CADPS2: variants seen among roughly 807,000 people sequenced by gnomAD.
The protein encoded by CADPS2 is calcium-dependent secretion activator 2.
CADPS2 carries 93 observed loss-of-function variants against 172.5 expected under a neutral mutation model. The observed-to-expected ratio is 0.54, with a 90% CI of 0.46 to 0.64. The LOEUF is 0.64. Among genes scored for constraint, CADPS2 ranks in the 30% least tolerant of loss-of-function variants. The probability of loss-of-function intolerance (pLI) is 0.00; values close to 1 mark genes in which losing one functional copy is unlikely to be tolerated. For missense variants in CADPS2, 1,420 were observed against 1,565.9 expected, an observed-to-expected ratio of 0.91 and a Z score of 1.57; for synonymous variants, 546 against 555.2, an observed-to-expected ratio of 0.98 and a Z score of 0.23.
chr7:122,801,868 C>T (rs1042687069), intron 1 of CADPS2, among the ~76,000 whole-genome samples: 8 of 151,474 alleles, frequency 5.3e-5, no homozygotes, highest in Non-Finnish European at 1.0e-4. Context: ...GGATTACAGG[C>T]GTGAGCCACT....
At chr7:122,475,020 G>A (rs918930205) in intron 12 of CADPS2, among the ~76,000 whole-genome samples, 3 of 152,076 alleles carry the variant, frequency 2.0e-5, no homozygotes, top group Non-Finnish European at 4.4e-5. Context: ...GGCAATGAGC[G>A]CTCTCAAGCT....
intron 3 of CADPS2, among the ~76,000 whole-genome samples, chr7:122,630,303 G>C (rs1587968758): frequency 6.6e-6 from 1 of 151,670 alleles, no homozygotes; most frequent in South Asian, 2.1e-4. Context: ...TCCTCAAAGA[G>C]AGTCCTCAAA....
At chr7:122,805,850 C>T (rs1478588548) in intron 1 of CADPS2, among the ~76,000 whole-genome samples, 3 of 152,158 alleles carry the variant, frequency 2.0e-5, no homozygotes, top group Non-Finnish European at 4.4e-5. Context: ...TTTGCTACAG[C>T]CCTGTGAATG....
intron 25 of CADPS2, among the ~76,000 whole-genome samples, chr7:122,365,141 T>C (rs1033427402): frequency 2.6e-5 from 4 of 152,262 alleles, no homozygotes; most frequent in South Asian, 2.1e-4. Flanking sequence ...CGAAGCAGCA[T>C]TGGCTTATAT....
chr7:122,400,309 T>G lies in CADPS2; in HGVS notation c.2747-6727A>C, dbSNP rs151045282. On this transcript the variant is annotated intron_variant, in intron 20 of 29. Transcript: ENST00000449022. ...AAAATTAGCTGGGTGTGGTGGTGCATGCCTGTAATCCCAGCTACTTGGGAG... is the reference window on the plus strand; with the variant it reads ...AAAATTAGCTGGGTGTGGTGGTGCAGGCCTGTAATCCCAGCTACTTGGGAG... Among the ~76,000 whole-genome samples, 134 of 151,778 alleles carry G rather than the reference T, an allele frequency of 8.8e-4. 3 individuals carry two copies. In the East Asian group the frequency reaches 0.026, roughly 29 times the overall value.
intron 4 of CADPS2, 136 bp downstream of exon 4, chr7:122,629,112 G>T: frequency 1.9e-6 from 1 of 534,272 alleles, no homozygotes; most frequent in Non-Finnish European, 3.2e-6. Flanking sequence ...GGGATTAAGA[G>T]GTCTATGTGT....
chr7:122,707,908 G>C (rs2087858549), intron 2 of CADPS2, among the ~76,000 whole-genome samples: 1 of 151,318 alleles, frequency 6.6e-6, no homozygotes, highest in Non-Finnish European at 1.5e-5. Context: ...TTTATATAAA[G>C]GCATTTCTGG....
At chr7:122,570,589 T>C (rs1563736242) in intron 7 of CADPS2, among the ~76,000 whole-genome samples, 1 of 148,934 alleles carries the variant, frequency 6.7e-6, no homozygotes, top group Non-Finnish European at 1.5e-5. Flanking sequence ...CACATGTATG[T>C]TTATTGTGGC....
chr7:122,586,201 C>T (rs576597422), intron 6 of CADPS2, among the ~76,000 whole-genome samples: 26 of 151,924 alleles, frequency 1.7e-4, no homozygotes, highest in Non-Finnish European at 3.5e-4. Context: ...AAATGGAGTA[C>T]CTTTTATGTG....
At chr7:122,541,745 T>C (rs2063023636) in intron 8 of CADPS2, among the ~76,000 whole-genome samples, 1 of 145,816 alleles carries the variant, frequency 6.9e-6, no homozygotes, top group Non-Finnish European at 1.5e-5. Context: ...ATTCATATAT[T>C]TACATATATT....
intron 15 of CADPS2, among the ~76,000 whole-genome samples, chr7:122,442,913 T>A (rs2051563428): frequency 1.3e-5 from 2 of 152,214 alleles, no homozygotes; most frequent in African/African-American, 4.8e-5. Flanking sequence ...CAATTTATTT[T>A]GATAGTTTCT....
At chr7:122,877,581 T>C (rs1191714370) in intron 1 of CADPS2, among the ~76,000 whole-genome samples, 2 of 152,082 alleles carry the variant, frequency 1.3e-5, no homozygotes, top group African/African-American at 4.8e-5. Flanking sequence ...TTCCCATTTA[T>C]CCATAATGAG....
intron 9 of CADPS2, among the ~76,000 whole-genome samples, chr7:122,499,566 A>T (rs2059028962): frequency 6.6e-6 from 1 of 152,200 alleles, no homozygotes; most frequent in South Asian, 2.1e-4. Flanking sequence ...TACCAATTTA[A>T]ATCTTTTGAT....
intron 8 of CADPS2, among the ~76,000 whole-genome samples, chr7:122,520,335 ATGTG>A (rs944572945): frequency 6.6e-6 from 1 of 151,538 alleles, no homozygotes; most frequent in Non-Finnish European, 1.5e-5. Context: ...ACCCGGTTGA[ATGTG>A]TGTGTTTTTT....
rs543193133 is a variant in CADPS2, at chr7:122,689,962, T to G, written c.454-26393A>C. Among the ~76,000 whole-genome samples, 12 of 152,284 alleles carry G rather than the reference T, an allele frequency of 7.9e-5. 1 individual carries two copies. The South Asian group carries it at 2.5e-3, about 32-fold the overall frequency. On this transcript the variant is annotated intron_variant, in intron 2 of 29. Transcript: ENST00000449022. ...CGCCTCCTATTCAAAGCTTGATGTG[T>G]TGCATCCCACCCACTGTCCACGAGG...
chr7:122,455,269 C>A (rs937907853), intron 14 of CADPS2, among the ~76,000 whole-genome samples: 1 of 152,134 alleles, frequency 6.6e-6, no homozygotes, highest in South Asian at 2.1e-4. Flanking sequence ...TGCACACATG[C>A]ACACCTGGCT....
At chr7:122,555,433 C>T (rs1488062800) in intron 7 of CADPS2, among the ~76,000 whole-genome samples, 1 of 151,954 alleles carries the variant, frequency 6.6e-6, no homozygotes, top group East Asian at 1.9e-4. Flanking sequence ...CATATTTAGG[C>T]ACAGTTTACA....
intron 1 of CADPS2, among the ~76,000 whole-genome samples, chr7:122,801,334 A>C (rs1018452054): frequency 2.0e-5 from 3 of 152,026 alleles, no homozygotes; most frequent in African/African-American, 7.3e-5. Context: ...AAGTGGTCCA[A>C]TATGTATTAA....
chr7:122,388,759 G>A (rs369179605), intron 22 of CADPS2, 21 bp from the exon 23 acceptor site: 1 of 1,577,304 alleles, frequency 6.3e-7, no homozygotes, highest in South Asian at 1.1e-5. Flanking sequence ...AAGGAAAAAT[G>A]AACATCATGA....
Sources: allele counts gnomAD v4.1 joint callset (sites outside exome capture counted in the v4.1 genomes callset), GRCh38; gene constraint gnomAD v4.1.1; transcripts MANE v1.5; gene names NCBI Gene and HGNC (gene_info 2026-07-23, HGNC 2026-07-21).